The following TBC1D32 variants were observed in gnomAD, a reference collection of about 807,000 sequenced individuals.
The protein encoded by TBC1D32 is protein broad-minded.
Under a neutral mutation model 170.3 loss-of-function variants are expected in TBC1D32, and 151 were observed. The ratio of observed to expected loss-of-function variants is 0.89; its 90% CI spans 0.78 to 1.01. TBC1D32 has a LOEUF of 1.01. TBC1D32 is among the 50% of genes least tolerant of loss of function. The pLI is 0.00. For synonymous variants in TBC1D32, 498 were observed against 488.0 expected (o/e 1.02, Z -0.27); for missense variants, 1,464 against 1,457.1 (o/e 1.00, Z -0.08).
At chr6:121,230,726 G>C (rs1361925042) in intron 20 of TBC1D32, among the ~76,000 whole-genome samples, 1 of 151,546 alleles carries the variant, frequency 6.6e-6, no homozygotes, top group African/African-American at 2.4e-5. Context: ...AGTGTTTTTA[G>C]TTATTTAATT....
chr6:121,148,474 C>A (rs1273711), intron 24 of TBC1D32, among the ~76,000 whole-genome samples: 2 of 151,798 alleles, frequency 1.3e-5, no homozygotes, highest in Non-Finnish European at 2.9e-5. Context: ...ATAACAGAAT[C>A]ACTTAAAATC....
At chr6:121,095,977 T>C (rs1040881566) in intron 30 of TBC1D32, 2 of 152,210 alleles carry the variant, frequency 1.3e-5, no homozygotes, top group African/African-American at 4.8e-5. Context: ...CCTCTTCTTC[T>C]ATTGTTTGGA....
At chr6:121,238,950 G>A (rs1428267820) in intron 20 of TBC1D32, 120 bp downstream of exon 20, 1 of 485,314 alleles carries the variant, frequency 2.1e-6, no homozygotes, top group African/African-American at 2.0e-5. Context: ...ATTAAAAAGA[G>A]GAGAAATAAA....
At chr6:121,170,519 C>T (rs1225587426) in intron 22 of TBC1D32, 3 of 1,545,690 alleles carry the variant, frequency 1.9e-6, no homozygotes, top group East Asian at 2.3e-5. Context: ...GCATATCACA[C>T]TTAATAACCT....
At chr6:121,333,933 G>C (rs1811529929) in intron 1 of TBC1D32, among the ~76,000 whole-genome samples, 1 of 152,134 alleles carries the variant, frequency 6.6e-6, no homozygotes, top group Non-Finnish European at 1.5e-5. Context: ...CGGCCGCGGT[G>C]GCGGGCACCT....
chr6:121,187,754 C>A (rs1269044027), intron 22 of TBC1D32, among the ~76,000 whole-genome samples: 65 of 128,654 alleles, frequency 5.1e-4, no homozygotes, highest in African/African-American at 1.6e-3. Context: ...TGCTCAGGGC[C>A]AAAAAAAAAA....
intron 31 of TBC1D32, among the ~76,000 whole-genome samples, chr6:121,085,356 T>TATAC (rs1467155651): frequency 9.9e-6 from 1 of 101,154 alleles, no homozygotes; most frequent in African/African-American, 8.1e-5. Context: ...CATACATATA[T>TATAC]ATACATATAT....
chr6:121,110,155 G>T (rs1172431916), intron 29 of TBC1D32, among the ~76,000 whole-genome samples: 1 of 151,508 alleles, frequency 6.6e-6, no homozygotes, highest in African/African-American at 2.4e-5. Flanking sequence ...GGAGGCTGAG[G>T]CAGGAGAATG....
intron 12 of TBC1D32, among the ~76,000 whole-genome samples, chr6:121,286,663 T>C (rs1039061774): frequency 5.3e-5 from 8 of 152,086 alleles, no homozygotes; most frequent in Non-Finnish European, 1.5e-5. Flanking sequence ...GCCACAAAGA[T>C]ATTCCTCGAG....
At chr6:121,158,400 G>A (rs1010202016) in intron 24 of TBC1D32, among the ~76,000 whole-genome samples, 1 of 152,060 alleles carries the variant, frequency 6.6e-6, no homozygotes, top group South Asian at 2.1e-4. Flanking sequence ...TTTAGCTCCT[G>A]GATCATTGCA....
At chr6:121,295,919 A>T (rs1462055324) in intron 10 of TBC1D32, among the ~76,000 whole-genome samples, 2 of 150,754 alleles carry the variant, frequency 1.3e-5, no homozygotes, top group Non-Finnish European at 3.0e-5. Flanking sequence ...GAGGGCTCTC[A>T]TCATTCTGAG....
At chr6:121,096,776 A>T (rs1342117788) in intron 30 of TBC1D32, among the ~76,000 whole-genome samples, 1 of 152,198 alleles carries the variant, frequency 6.6e-6, no homozygotes, top group Non-Finnish European at 1.5e-5. Flanking sequence ...TGGAGGCATC[A>T]CGCTACCTGA....
intron 30 of TBC1D32, among the ~76,000 whole-genome samples, chr6:121,102,210 A>C (rs1261342563): frequency 2.0e-5 from 3 of 152,178 alleles, no homozygotes; most frequent in Non-Finnish European, 2.9e-5. Context: ...GCTACCAATG[A>C]CTTTCTTCAC....
rs555887570 is a variant in TBC1D32, at chr6:121,169,943, T to A, written c.2571-8887A>T. On this transcript the variant is annotated intron_variant, in intron 22 of 31. Coordinates refer to ENST00000398212, the MANE Select transcript of TBC1D32 (RefSeq NM_152730.6). ...TTTGGAAATAATCAGAATTTATGAC[T>A]ATGAACTAACATAATTAAGAGGATG... Among the ~76,000 whole-genome samples the A allele has an allele frequency of 1.8e-4, 28 of 152,248 alleles. 1 individual carries two copies. In the South Asian group the frequency reaches 5.0e-3, roughly 27 times the overall value.
At chr6:121,158,939 G>A (rs944185701) in intron 24 of TBC1D32, among the ~76,000 whole-genome samples, 5 of 152,144 alleles carry the variant, frequency 3.3e-5, no homozygotes, top group African/African-American at 1.2e-4. Context: ...TCTTATGGCT[G>A]GGCTTACATG....
intron 24 of TBC1D32, among the ~76,000 whole-genome samples, chr6:121,143,235 T>A (rs971880434): frequency 6.6e-6 from 1 of 152,148 alleles, no homozygotes; most frequent in Admixed American, 6.6e-5. Flanking sequence ...CTCATATACA[T>A]GTATTCAAGT....
At chr6:121,288,081 C>CAA (rs1804176289) in intron 12 of TBC1D32, among the ~76,000 whole-genome samples, 1 of 152,060 alleles carries the variant, frequency 6.6e-6, no homozygotes, top group Non-Finnish European at 1.5e-5. Flanking sequence ...CCTAACATCA[C>CAA]AATTAAAAGA....
intron 15 of TBC1D32, among the ~76,000 whole-genome samples, chr6:121,273,498 G>C (rs183841152): frequency 1.1e-4 from 16 of 151,276 alleles, no homozygotes; most frequent in Admixed American, 2.0e-4. Flanking sequence ...CGTGGGGTTG[G>C]GGGGGTTAGG....
intron 22 of TBC1D32, among the ~76,000 whole-genome samples, chr6:121,203,620 A>G (rs142581160): frequency 2.5e-4 from 38 of 151,398 alleles, no homozygotes; most frequent in African/African-American, 8.1e-4. Context: ...AATTTTTCAT[A>G]TCAATTATGA....
Sources: gnomAD v4.1 joint callset for allele counts (sites outside exome capture counted in the v4.1 genomes callset) on GRCh38, gnomAD v4.1.1 for gene constraint, MANE v1.5 for transcripts, NCBI Gene and HGNC (gene_info 2026-07-23, HGNC 2026-07-21) for gene names.